The following ANO3 variants were observed in gnomAD, a reference collection of about 807,000 sequenced individuals.
ANO3 encodes anoctamin-3.
Under a neutral mutation model 144.8 loss-of-function variants are expected in ANO3, and 99 were observed. That is an observed-to-expected ratio of 0.68 (90% CI 0.58 to 0.81). The LOEUF (loss-of-function observed/expected upper bound fraction) is 0.81, where lower values mean the gene tolerates loss of function less well. Among genes scored for constraint, ANO3 ranks in the 30% least tolerant of loss-of-function variants. The probability of loss-of-function intolerance (pLI) is 0.00; values close to 1 mark genes in which losing one functional copy is unlikely to be tolerated. For missense variants in ANO3, 905 were observed against 1,202.2 expected (o/e 0.75, Z 3.66); for synonymous variants, 414 against 392.6 (o/e 1.05, Z -0.64).
At chr11:26,567,622 T>C (rs905281887) in intron 14 of ANO3, among the ~76,000 whole-genome samples, 24 of 152,144 alleles carry the variant, frequency 1.6e-4, no homozygotes, top group East Asian at 1.9e-4. Flanking sequence ...TAGCAAGCAA[T>C]TGCATAATCA....
chr11:26,306,849 G>A (rs113484880), upstream of ANO3, among the ~76,000 whole-genome samples: 88 of 149,746 alleles, frequency 5.9e-4, 1 homozygote, highest in Middle Eastern at 3.4e-3. Flanking sequence ...TTCTATCTCT[G>A]TCTCTATTCT....
At chr11:26,499,682 A>G (rs1445392696) in intron 4 of ANO3, among the ~76,000 whole-genome samples, 4 of 151,720 alleles carry the variant, frequency 2.6e-5, no homozygotes, top group East Asian at 1.9e-4. Flanking sequence ...CATGAATACC[A>G]TATGTCCTGT....
chr11:26,301,758 T>G (rs1370411340), intron 1 of ANO3, among the ~76,000 whole-genome samples: 1 of 152,184 alleles, frequency 6.6e-6, no homozygotes, highest in Non-Finnish European at 1.5e-5. Flanking sequence ...AATGTTTTAT[T>G]TCTTCCATCC....
chr11:26,195,636 C>A (rs1414029040), intron 1 of ANO3, among the ~76,000 whole-genome samples: 1 of 152,056 alleles, frequency 6.6e-6, no homozygotes, highest in Non-Finnish European at 1.5e-5. Context: ...GACAGTGAGG[C>A]CAAAAGAGTG....
At position 26,534,461 on chromosome 11, in the gene ANO3, TAATA is replaced by T; in HGVS notation, c.881_884del (p.Asn294IlefsTer14). On this transcript the variant is annotated frameshift_variant, in exon 9 of 27. Coordinates refer to ENST00000256737, the MANE Select transcript of ANO3 (RefSeq NM_031418.4). LOFTEE classifies it high-confidence loss of function. ...CAATCCCCTCATCTTAACAGCTTCA[TAATA>T]AATAATAAAGACACCTTCTTCAGCA... 1 of 1,608,262 alleles carries T rather than the reference TAATA, an allele frequency of 6.2e-7. No individual in the cohort carries two copies. The highest frequency in any genetic ancestry group is 2.2e-5 in the East Asian group (1 of 44,746).
chr11:26,324,430 T>C (rs1590260765), intron 1 of ANO3, among the ~76,000 whole-genome samples: 2 of 152,170 alleles, frequency 1.3e-5, no homozygotes, highest in African/African-American at 4.8e-5. Context: ...GAAGATTTAA[T>C]TGTATCACAA....
At position 26,281,248 on chromosome 11, in the gene ANO3, T is replaced by C. The variant is rs532375923; in HGVS notation, c.155-28397T>C. Among the ~76,000 whole-genome samples, 5 of 152,306 alleles carry C rather than the reference T, an allele frequency of 3.3e-5. No homozygotes were observed. The East Asian group carries it at 9.6e-4, about 29-fold the overall frequency. On this transcript the variant is annotated intron_variant, in intron 1 of 27. Transcript: ENST00000672621. ...TTGGCTTCAGAATGTGTAGTATTAA[T>C]ATATATAATCCTATAGTTGGCACAC...
chr11:26,531,320 C>CA lies in ANO3; in HGVS notation c.853_854insA (p.Arg285GlnfsTer11). On this transcript the variant is annotated frameshift_variant, in exon 8 of 27. Coordinates refer to ENST00000256737, the MANE Select transcript of ANO3 (RefSeq NM_031418.4). LOFTEE classifies it high-confidence loss of function. ...AGACTGCTATACTGGCCCCTTCAGC[C>CA]GTGCACGGATTCACCAGTGAGTTCC... 1 of 1,610,082 alleles carries CA rather than the reference C, an allele frequency of 6.2e-7. No homozygotes were observed. Among genetic ancestry groups the CA allele is most frequent in the Non-Finnish European group, 8.5e-7 (1 of 1,178,394 alleles).
chr11:26,585,579 T>TC (rs1186050976), intron 14 of ANO3, among the ~76,000 whole-genome samples: 1 of 152,104 alleles, frequency 6.6e-6, no homozygotes, highest in Admixed American at 6.6e-5. Context: ...CTGCTGTTTT[T>TC]TCTACATCCC....
chr11:26,647,900 G>A (rs748401593), intron 24 of ANO3, 44 bp downstream of exon 24: 1 of 1,558,826 alleles, frequency 6.4e-7, no homozygotes, highest in East Asian at 2.3e-5. Flanking sequence ...TTTTACATTT[G>A]TAATTAAAAT....
intron 17 of ANO3, among the ~76,000 whole-genome samples, chr11:26,608,378 G>A (rs947843979): frequency 1.2e-4 from 18 of 152,162 alleles, no homozygotes; most frequent in Admixed American, 2.6e-4. Flanking sequence ...CTCCTGCATA[G>A]GGTGTCTGAC....
chr11:26,490,523 G>A (rs1243031964), intron 4 of ANO3, among the ~76,000 whole-genome samples: 1 of 152,218 alleles, frequency 6.6e-6, no homozygotes, highest in Non-Finnish European at 1.5e-5. Flanking sequence ...TAGGTGTTAT[G>A]GCTGCATGGT....
At chr11:26,362,578 A>G (rs1012522272) in intron 1 of ANO3, among the ~76,000 whole-genome samples, 1 of 152,194 alleles carries the variant, frequency 6.6e-6, no homozygotes, top group African/African-American at 2.4e-5. Context: ...CTGATTTTCA[A>G]TACATGAACA....
chr11:26,358,896 A>C (rs1014292241), intron 1 of ANO3, among the ~76,000 whole-genome samples: 3 of 152,124 alleles, frequency 2.0e-5, no homozygotes, highest in Non-Finnish European at 4.4e-5. Flanking sequence ...TTCTCATAAA[A>C]TTTTGTTTTC....
chr11:26,453,919 A>C (rs144251119), intron 3 of ANO3, among the ~76,000 whole-genome samples: 10,274 of 152,234 alleles, frequency 0.067, 486 homozygotes, highest in African/African-American at 0.13. Context: ...AGGATTAAGA[A>C]ACTCACTCAA....
At chr11:26,306,432 T>G (rs554771069), upstream of ANO3, among the ~76,000 whole-genome samples, 18 of 152,190 alleles carry the variant, frequency 1.2e-4, 1 homozygote, top group South Asian at 3.7e-3. Flanking sequence ...GGTATGGTGG[T>G]TCACACTTAT....
chr11:26,222,007 T>C (rs1168661946), intron 1 of ANO3, among the ~76,000 whole-genome samples: 2 of 152,140 alleles, frequency 1.3e-5, no homozygotes, highest in African/African-American at 4.8e-5. Flanking sequence ...CCTTCTCACA[T>C]TGTAAAATAT....
intron 1 of ANO3, among the ~76,000 whole-genome samples, chr11:26,313,396 C>T (rs1854545905): frequency 6.6e-6 from 1 of 151,956 alleles, no homozygotes; most frequent in African/African-American, 2.4e-5. Context: ...TAGAAAAATA[C>T]AGGTGATAGG....
intron 17 of ANO3, among the ~76,000 whole-genome samples, chr11:26,615,563 G>A (rs1852234523): frequency 6.6e-6 from 1 of 151,652 alleles, no homozygotes. Flanking sequence ...TTTAAATGAG[G>A]GACATAAAAA....
Sources: allele counts gnomAD v4.1 joint callset (sites outside exome capture counted in the v4.1 genomes callset), GRCh38; gene constraint gnomAD v4.1.1; transcripts MANE v1.5; gene names NCBI Gene and HGNC (gene_info 2026-07-23, HGNC 2026-07-21).